Variants in DPP10 observed in about 807,000 individuals in gnomAD.
DPP10 encodes the protein inactive dipeptidyl peptidase 10.
DPP10 carries 33 observed loss-of-function variants against 120.9 expected under a neutral mutation model. That is an observed-to-expected ratio of 0.27 (90% CI 0.21 to 0.37). The LOEUF (loss-of-function observed/expected upper bound fraction) is 0.37. DPP10 is among the 10% of genes least tolerant of loss of function. DPP10 has a pLI of 1.00. For synonymous variants in DPP10, 337 were observed against 326.1 expected (o/e 1.03, Z -0.36); for missense variants, 816 against 942.8 (o/e 0.87, Z 1.76).
rs1509742 is a variant in DPP10, at chr2:115,064,709, T to G, written c.61-244530T>G. ...AGGAACTGACATTGAAGTAAGATTCTGTGAGGGTGAGGTTGCATTTGTAGA... is the reference window on the plus strand; with the variant it reads ...AGGAACTGACATTGAAGTAAGATTCGGTGAGGGTGAGGTTGCATTTGTAGA... On this transcript the variant is annotated intron_variant, in intron 1 of 25. Transcript: ENST00000410059. 172,557 of 1,302,230 alleles carry G rather than the reference T, an allele frequency of 0.13. 12,510 individuals carry two copies. The highest frequency in any genetic ancestry group is 0.15 in the Non-Finnish European group (144,333 of 987,362). 80.7% of individuals were successfully genotyped at this position (1,302,230 alleles called of 1,614,324 possible).
chr2:114,843,678 T>G (rs1688330893), intron 1 of DPP10, among the ~76,000 whole-genome samples: 2 of 152,124 alleles, frequency 1.3e-5, no homozygotes, highest in Non-Finnish European at 2.9e-5. Context: ...TAATCTCAGT[T>G]TGTCTGGCTC....
chr2:115,185,600 C>T (rs2054380110), intron 1 of DPP10, among the ~76,000 whole-genome samples: 2 of 151,794 alleles, frequency 1.3e-5, no homozygotes, highest in African/African-American at 4.8e-5. Flanking sequence ...ATGTTAAAAC[C>T]ACAAGTTTGT....
intron 1 of DPP10, among the ~76,000 whole-genome samples, chr2:115,173,172 C>T (rs1433493590): frequency 6.6e-6 from 1 of 152,134 alleles, no homozygotes; most frequent in Non-Finnish European, 1.5e-5. Context: ...CAGCTTCGTT[C>T]CTTCTCAGAG....
intron 1 of DPP10, among the ~76,000 whole-genome samples, chr2:115,166,549 AATAT>A (rs1304996507): frequency 6.8e-6 from 1 of 146,734 alleles, no homozygotes; most frequent in East Asian, 1.9e-4. Context: ...TTATAATATA[AATAT>A]ATATTATATA....
intron 5 of DPP10, among the ~76,000 whole-genome samples, chr2:115,617,223 C>A (rs2149268613): frequency 6.8e-6 from 1 of 146,166 alleles, no homozygotes; most frequent in South Asian, 2.1e-4. Context: ...TGCTTAAAAC[C>A]ATGGATAGTA....
intron 5 of DPP10, among the ~76,000 whole-genome samples, chr2:115,666,611 G>A (rs1209569139): frequency 8.5e-5 from 13 of 152,084 alleles, no homozygotes; most frequent in Admixed American, 5.2e-4. Flanking sequence ...TGGCTGTTTA[G>A]TAGTCCATGG....
At position 114,771,515 on chromosome 2, in the gene DPP10, T is replaced by C. The variant is rs143780943; in HGVS notation, c.60+328677T>C. The stretch of plus-strand genomic sequence containing the variant: ...AACTTGACTAAGCAAAGTTAGCATG[T>C]GGTTGCGTCTTCAAAGAGCACAAAC... On this transcript the variant is annotated intron_variant, in intron 1 of 25. Coordinates refer to ENST00000410059, the MANE Select transcript of DPP10 (RefSeq NM_020868.6). 2.9e-3 allele frequency among the ~76,000 whole-genome samples: 448 copies of C among 152,350 alleles called. 14 individuals carry two copies. Among genetic ancestry groups the C allele is most frequent in the Admixed American group, 0.027 (410 of 15,308 alleles).
chr2:115,384,611 G>GAGGAAGAAGAA (rs2066748073), intron 3 of DPP10, among the ~76,000 whole-genome samples: 1 of 139,380 alleles, frequency 7.2e-6, no homozygotes, highest in African/African-American at 2.7e-5. Flanking sequence ...GGAAGAAGAA[G>GAGGAAGAAGAA]TGAAGGAAGA....
intron 21 of DPP10, among the ~76,000 whole-genome samples, chr2:115,829,766 AT>A (rs1688732991): frequency 6.6e-6 from 1 of 151,722 alleles, no homozygotes; most frequent in African/African-American, 2.4e-5. Flanking sequence ...GTGTGTTTTA[AT>A]TTTTATTGTA....
At chr2:115,010,460 T>G (rs1702182865) in intron 1 of DPP10, among the ~76,000 whole-genome samples, 1 of 152,112 alleles carries the variant, frequency 6.6e-6, no homozygotes, top group African/African-American at 2.4e-5. Flanking sequence ...AATGCCCAGG[T>G]GTCAGTCACA....
chr2:115,757,235 A>G (rs547518392), intron 11 of DPP10, among the ~76,000 whole-genome samples: 101 of 152,200 alleles, frequency 6.6e-4, no homozygotes, highest in African/African-American at 2.4e-3. Context: ...AGAAAAATAC[A>G]AGAGACAACA....
At chr2:114,486,481 A>G (rs1174061300) in intron 1 of DPP10, among the ~76,000 whole-genome samples, 1 of 152,156 alleles carries the variant, frequency 6.6e-6, no homozygotes, top group Non-Finnish European at 1.5e-5. Context: ...TCTTGCTTGA[A>G]CAGCTACAAG....
chr2:114,866,486 T>C (rs996243872), intron 1 of DPP10, among the ~76,000 whole-genome samples: 1 of 152,222 alleles, frequency 6.6e-6, no homozygotes, highest in Non-Finnish European at 1.5e-5. Context: ...TTGTTATTGG[T>C]GAATATTAAG....
intron 5 of DPP10, among the ~76,000 whole-genome samples, chr2:115,611,472 G>C (rs960516157): frequency 6.6e-6 from 1 of 152,034 alleles, no homozygotes; most frequent in Non-Finnish European, 1.5e-5. Flanking sequence ...CCTTGTTTAT[G>C]TAAGAATTTA....
At chr2:115,598,150 T>C (rs1045141572) in intron 5 of DPP10, among the ~76,000 whole-genome samples, 6 of 152,012 alleles carry the variant, frequency 3.9e-5, no homozygotes, top group Non-Finnish European at 8.8e-5. Context: ...TATTTAAATC[T>C]TTCCCTTTTG....
At chr2:115,612,751 G>T (rs1246990000) in intron 5 of DPP10, among the ~76,000 whole-genome samples, 5 of 152,018 alleles carry the variant, frequency 3.3e-5, no homozygotes, top group Non-Finnish European at 1.5e-5. Flanking sequence ...CTCTCATAAA[G>T]CTGTATTAAT....
intron 1 of DPP10, among the ~76,000 whole-genome samples, chr2:114,702,041 C>CT (rs975428244): frequency 1.3e-3 from 193 of 152,260 alleles, no homozygotes; most frequent in African/African-American, 4.5e-3. Flanking sequence ...TTTGAAGAAG[C>CT]TGGTCCTCTG....
intron 24 of DPP10, among the ~76,000 whole-genome samples, chr2:115,840,481 C>T (rs1294457499): frequency 1.3e-5 from 2 of 151,402 alleles, no homozygotes; most frequent in African/African-American, 4.8e-5. Flanking sequence ...CCCGCCACCA[C>T]ACCGGCTAAT....
At chr2:115,062,525 C>A (rs1459316619) in intron 1 of DPP10, among the ~76,000 whole-genome samples, 1 of 152,148 alleles carries the variant, frequency 6.6e-6, no homozygotes, top group Admixed American at 6.5e-5. Context: ...CTGATGCTTT[C>A]CTTCCCCCTG....
Sources: allele counts gnomAD v4.1 joint callset (sites outside exome capture counted in the v4.1 genomes callset), GRCh38; gene constraint gnomAD v4.1.1; transcripts MANE v1.5; gene names NCBI Gene and HGNC (gene_info 2026-07-23, HGNC 2026-07-21).